Variants in FRMD5 observed in about 807,000 individuals in gnomAD.
The protein encoded by FRMD5 is FERM domain-containing protein 5.
FRMD5 carries 20 observed loss-of-function variants against 69.0 expected under a neutral mutation model. The ratio of observed to expected loss-of-function variants is 0.29; its 90% confidence interval spans 0.20 to 0.42. The LOEUF (loss-of-function observed/expected upper bound fraction) is 0.42. Among genes scored for constraint, FRMD5 ranks in the 10% least tolerant of loss-of-function variants. The pLI, the probability that FRMD5 is intolerant of heterozygous loss-of-function variation, is 1.00. For missense variants in FRMD5, 595 were observed against 708.6 expected (o/e 0.84, Z 1.82); for synonymous variants, 271 against 260.1 (o/e 1.04, Z -0.40).
At chr15:44,151,384 G>A (rs146949955) in intron 1 of FRMD5, among the ~76,000 whole-genome samples, 2,375 of 140,650 alleles carry the variant, frequency 0.017, 73 homozygotes, top group African/African-American at 0.06. Flanking sequence ...GTGACAGAGC[G>A]AGACTCCATC....
chr15:43,891,377 G>T (rs1439229887), intron 8 of FRMD5, among the ~76,000 whole-genome samples: 1 of 152,026 alleles, frequency 6.6e-6, no homozygotes, highest in Non-Finnish European at 1.5e-5. Context: ...AGGGAAGGAA[G>T]AAAGAGTGGG....
At chr15:43,883,965 C>T (rs2088599660) in intron 12 of FRMD5, among the ~76,000 whole-genome samples, 156 bp from the exon 13 acceptor site, 1 of 152,194 alleles carries the variant, frequency 6.6e-6, no homozygotes, top group Admixed American at 6.5e-5. Flanking sequence ...TGCCTTTGGT[C>T]TCTGGATTCC....
At chr15:44,060,568 A>G (rs768687245) in intron 1 of FRMD5, among the ~76,000 whole-genome samples, 8 of 152,182 alleles carry the variant, frequency 5.3e-5, no homozygotes, top group Non-Finnish European at 1.2e-4. Context: ...AAGTCAAAAT[A>G]TTTGGGGCAG....
chr15:44,123,624 C>G (rs2076986388), intron 1 of FRMD5, among the ~76,000 whole-genome samples: 1 of 151,852 alleles, frequency 6.6e-6, no homozygotes, highest in South Asian at 2.1e-4. Flanking sequence ...TTATAAAAAG[C>G]AACACAACAC....
chr15:43,962,185 C>A (rs1413061446), intron 1 of FRMD5, among the ~76,000 whole-genome samples: 1 of 152,194 alleles, frequency 6.6e-6, no homozygotes, highest in African/African-American at 2.4e-5. Flanking sequence ...TCTCCTTAAG[C>A]TGATAAGCAA....
intron 1 of FRMD5, among the ~76,000 whole-genome samples, chr15:44,065,026 G>A (rs1040161687): frequency 3.9e-5 from 6 of 152,288 alleles, no homozygotes; most frequent in East Asian, 1.9e-4. Context: ...ATAGTGTAGC[G>A]GTTAAGAGCA....
At chr15:43,908,807 G>A (rs2089229996) in intron 5 of FRMD5, among the ~76,000 whole-genome samples, 2 of 152,142 alleles carry the variant, frequency 1.3e-5, no homozygotes, top group Non-Finnish European at 1.5e-5. Flanking sequence ...TAGCCTGTTA[G>A]GAAATGTGCT....
At chr15:44,080,977 A>G (rs561053083) in intron 1 of FRMD5, among the ~76,000 whole-genome samples, 1 of 152,198 alleles carries the variant, frequency 6.6e-6, no homozygotes, top group East Asian at 1.9e-4. Flanking sequence ...TCATTCAATA[A>G]ATAATACAAA....
rs144719610 is a variant in FRMD5 at position 44,042,781 on chromosome 15, A to G, written c.103-118472T>C. Among the ~76,000 whole-genome samples, 566 of 152,358 alleles carry G rather than the reference A, an allele frequency of 3.7e-3. 2 individuals are homozygous for G. Among genetic ancestry groups the G allele is most frequent in the Middle Eastern group, 6.8e-3 (2 of 294 alleles). ...TAGCTACTGATGGAACGTATCTCAA[A>G]ATAATAAGTGCTATTTCTGGCAAGC... On this transcript the variant is annotated intron_variant, in intron 1 of 13. Transcript: ENST00000417257.
At chr15:43,885,897 C>T (rs752494370) in intron 10 of FRMD5, 142 bp from the exon 11 acceptor site, 1 of 681,588 alleles carries the variant, frequency 1.5e-6, no homozygotes, top group Non-Finnish European at 2.7e-6. Flanking sequence ...CTCTGACTCT[C>T]ATTTAGGATC....
At chr15:44,006,096 AG>A (rs1360674097) in intron 1 of FRMD5, among the ~76,000 whole-genome samples, 2 of 152,220 alleles carry the variant, frequency 1.3e-5, no homozygotes, top group Non-Finnish European at 2.9e-5. Context: ...TTCAAAGGAC[AG>A]GCTGACTCAG....
At chr15:43,896,928 G>C (rs2088923059) in intron 7 of FRMD5, among the ~76,000 whole-genome samples, 1 of 152,152 alleles carries the variant, frequency 6.6e-6, no homozygotes, top group Admixed American at 6.5e-5. Flanking sequence ...AAATCACCCA[G>C]TTTGAATATA....
In FRMD5 at chr15:44,084,246, AC is replaced by A. The variant is rs1420411990; in HGVS notation, c.102+110706del. On this transcript the variant is annotated intron_variant, in intron 1 of 13. Transcript: ENST00000417257. ...ACACACCTATCTTTACATTATACAT[AC>A]CCCCTGTTTTGCAAGCTGTAAACTT... is the stretch of plus-strand genomic sequence containing the variant. 2.0e-5 allele frequency among the ~76,000 whole-genome samples: 3 copies of A among 151,770 alleles called. No individual in the cohort carries two copies. The East Asian group carries it at 5.8e-4, about 29-fold the overall frequency.
chr15:44,039,304 C>A (rs1892078198), intron 1 of FRMD5, among the ~76,000 whole-genome samples: 1 of 152,214 alleles, frequency 6.6e-6, no homozygotes, highest in Admixed American at 6.5e-5. Flanking sequence ...GATCTCCCAG[C>A]ACAGCATTCA....
At chr15:43,970,742 C>T (rs2090362988) in intron 1 of FRMD5, among the ~76,000 whole-genome samples, 1 of 152,244 alleles carries the variant, frequency 6.6e-6, no homozygotes, top group South Asian at 2.1e-4. Context: ...CGTGAGCCAC[C>T]GTACCTGCCA....
rs2077952933 is a variant in FRMD5 at position 44,179,104 on chromosome 15, C to G, written c.102+15849G>C. 3.9e-5 allele frequency among the ~76,000 whole-genome samples: 6 copies of G among 152,060 alleles called. 2 individuals are homozygous for G. The South Asian group carries it at 1.2e-3, about 32-fold the overall frequency. On this transcript the variant is annotated intron_variant, in intron 1 of 13. Coordinates refer to ENST00000417257, the MANE Select transcript of FRMD5 (RefSeq NM_032892.5). Reference sequence around the variant, plus strand: ...AAAAATAAGAAAAGGAAAAATTAACCTATCTGAAAAAAAGTCATATTAGCA... The same window carrying G: ...AAAAATAAGAAAAGGAAAAATTAACGTATCTGAAAAAAAGTCATATTAGCA...
At chr15:44,054,203 C>CA (rs1170031735) in intron 1 of FRMD5, among the ~76,000 whole-genome samples, 1 of 152,190 alleles carries the variant, frequency 6.6e-6, no homozygotes, top group Non-Finnish European at 1.5e-5. Context: ...AATAACATGA[C>CA]AAACAGTGTT....
intron 7 of FRMD5, among the ~76,000 whole-genome samples, chr15:43,895,573 GC>G (rs1299859027): frequency 1.3e-5 from 2 of 152,196 alleles, no homozygotes; most frequent in African/African-American, 4.8e-5. Context: ...AAAATGAGAT[GC>G]CACATCATTT....
intron 1 of FRMD5, among the ~76,000 whole-genome samples, chr15:44,109,543 C>T (rs1416927165): frequency 1.3e-5 from 2 of 151,896 alleles, no homozygotes; most frequent in Admixed American, 1.3e-4. Context: ...ACAGAGTTCC[C>T]ATATACTCCC....
Sources: gnomAD v4.1 joint callset for allele counts (sites outside exome capture counted in the v4.1 genomes callset) on GRCh38, gnomAD v4.1.1 for gene constraint, MANE v1.5 for transcripts, NCBI Gene and HGNC (gene_info 2026-07-23, HGNC 2026-07-21) for gene names.